The following COCH variants were observed in gnomAD, a reference collection of about 807,000 sequenced individuals.
COCH encodes coagulation factor C homolog, cochlin (Limulus polyphemus).
COCH carries 40 observed loss-of-function variants against 54.8 expected under a neutral mutation model. The observed-to-expected ratio is 0.73, with a 90% CI of 0.57 to 0.95. The LOEUF (loss-of-function observed/expected upper bound fraction) is 0.95. Ranked by LOEUF, COCH falls within the 40% of genes least tolerant of loss-of-function variation. The pLI is 0.00. For synonymous variants in COCH, 256 were observed against 237.9 expected, an observed-to-expected ratio of 1.08 and a Z score of -0.70; for missense variants, 605 against 675.0, an observed-to-expected ratio of 0.90 and a Z score of 1.15.
At chr14:30,889,103 T>C (rs1895892498) in intron 11 of COCH, 1 of 155,760 alleles carries the variant, frequency 6.4e-6, no homozygotes, top group African/African-American at 2.4e-5. Flanking sequence ...TAGTCACCAT[T>C]CCTCAAACAA....
chr14:30,886,360 A>G (rs765570410), intron 11 of COCH, 48 bp downstream of exon 11: 8 of 1,599,102 alleles, frequency 5.0e-6, no homozygotes, highest in Admixed American at 1.7e-5. Flanking sequence ...AAAACGGTTC[A>G]GTGAATTTAG....
intron 8 of COCH, 79 bp downstream of exon 8, chr14:30,880,813 G>A: frequency 1.9e-6 from 2 of 1,041,762 alleles, no homozygotes; most frequent in Non-Finnish European, 2.9e-6. Context: ...TATACTTATG[G>A]GGTACATAGT....
downstream of COCH, chr14:30,895,089 GA>G (rs1896104717): frequency 1.8e-4 from 21 of 118,172 alleles, no homozygotes; most frequent in African/African-American, 5.9e-4. Context: ...AGAAGAAGAA[GA>G]AGAGAAAAAA....
In COCH at chr14:30,886,240, T is replaced by A; in HGVS notation, c.1405T>A (p.Phe469Ile). 2 of 1,613,126 alleles carry A rather than the reference T, an allele frequency of 1.2e-6. No individual in the cohort carries two copies. Among genetic ancestry groups the A allele is most frequent in the Non-Finnish European group, 1.7e-6 (2 of 1,179,660 alleles). Residue 469 changes from phenylalanine to isoleucine, a missense_variant, in exon 11 of 12, where the codon TTC (phenylalanine) becomes ATC (isoleucine). Physicochemically the swap from Phe to Ile is conservative, Grantham distance 21 (BLOSUM62 0). Coordinates refer to ENST00000396618, the MANE Select transcript of COCH (RefSeq NM_004086.3). ...TATAAGGGAGAGCCCCAACAAGAACTTCCTAGTAATTGTCACAGATGGGCA... is the reference window on the plus strand; with the variant it reads ...TATAAGGGAGAGCCCCAACAAGAACATCCTAGTAATTGTCACAGATGGGCA... ...GPIRESPNKN[F>I]LVIVTDGQSY...
At position 30,878,902 on chromosome 14, in the gene COCH, T is replaced by C; in HGVS notation, c.331T>C (p.Ser111Pro). 1 of 1,614,148 alleles carries C rather than the reference T, an allele frequency of 6.2e-7. No individual in the cohort carries two copies. The highest frequency in any genetic ancestry group is 8.5e-7 in the Non-Finnish European group (1 of 1,180,022). ...CTCAGTAGATGCCAATGGCATCCAGTCTCAAATGCTTTCTAGATGGTCTGC... is the reference window on the plus strand; with the variant it reads ...CTCAGTAGATGCCAATGGCATCCAGCCTCAAATGCTTTCTAGATGGTCTGC... ...YSSVDANGIQSQMLSRWSASF... is the reference protein window; with the variant it reads ...YSSVDANGIQPQMLSRWSASF... The change falls in exon 5 of 12, where the codon TCT (serine) becomes CCT (proline). Residue 111 changes from serine (S) to proline (P), a missense_variant. Ser to Pro is a moderately conservative substitution (Grantham distance 74). Coordinates refer to ENST00000396618, the MANE Select transcript of COCH (RefSeq NM_004086.3).
At chr14:30,880,826 T>A in intron 8 of COCH, 92 bp downstream of exon 8, 1 of 923,964 alleles carries the variant, frequency 1.1e-6, no homozygotes, top group Non-Finnish European at 1.7e-6. Flanking sequence ...TACATAGTGA[T>A]GTTTTCATAC....
At chr14:30,886,662 G>A (rs565048141) in intron 11 of COCH, among the ~76,000 whole-genome samples, 2 of 152,246 alleles carry the variant, frequency 1.3e-5, no homozygotes, top group East Asian at 3.9e-4. Context: ...GCTCAAACTT[G>A]GACTATATCT....
rs1485893519 is a variant in COCH at position 30,877,561 on chromosome 14, T to A, written c.83-11T>A. 3 of 1,613,828 alleles carry A rather than the reference T, an allele frequency of 1.9e-6. No individual in the cohort carries two copies. The highest frequency in any genetic ancestry group is 2.5e-6 in the Non-Finnish European group (3 of 1,179,986). The stretch of plus-strand genomic sequence containing the variant: ...TAAGAATGCTTACAATATTATCTCC[T>A]TTTTCTTCAGCTCCCATTGCTATCA... On this transcript the variant is annotated splice_polypyrimidine_tract_variant and intron_variant, in intron 3 of 11. Transcript: ENST00000396618. The surrounding 1 kb of genome is among the most constrained non-coding windows in gnomAD (Gnocchi z 8.6).
rs1895471273 is a variant in COCH at position 30,878,904 on chromosome 14, T to C, written c.333T>C (p.Ser111=). ...CAGTAGATGCCAATGGCATCCAGTCTCAAATGCTTTCTAGATGGTCTGCTT... is the reference window on the plus strand; with the variant it reads ...CAGTAGATGCCAATGGCATCCAGTCCCAAATGCTTTCTAGATGGTCTGCTT... ...YSSVDANGIQ[S]QMLSRWSASF... The change falls in exon 5 of 12, where the codon TCT becomes TCC. Residue 111 remains serine (S), a synonymous_variant. Coordinates refer to ENST00000396618, the MANE Select transcript of COCH (RefSeq NM_004086.3). 2.5e-6 allele frequency: 4 copies of C among 1,614,166 alleles called. No individual in the cohort carries two copies. The highest frequency in any genetic ancestry group is 2.2e-5 in the East Asian group (1 of 44,878).
chr14:30,892,538 G>A (rs532286481), downstream of COCH, among the ~76,000 whole-genome samples: 4 of 152,162 alleles, frequency 2.6e-5, no homozygotes, highest in Non-Finnish European at 4.4e-5. Flanking sequence ...GGTGGCTCAC[G>A]CCTGTAATCC....
Position 30,880,486 on chromosome 14 carries a change from T to C in COCH, c.471T>C (p.Thr157=). 1 of 1,614,146 alleles carries C rather than the reference T, an allele frequency of 6.2e-7. No homozygotes were observed. Among genetic ancestry groups the C allele is most frequent in the Middle Eastern group, 1.6e-4 (1 of 6,062 alleles). The change falls in exon 7 of 12, where the codon ACT becomes ACC. Residue 157 remains threonine (T), a synonymous_variant. Transcript: ENST00000396618. ...TAAAGAAAACACCCGAGAAGAAAAC[T>C]GGCAATAAAGGTAAGAATCAAGATC... is the stretch of plus-strand genomic sequence containing the variant. ...KRLKKTPEKK[T]GNKDCKADIA... is the part of the protein sequence containing the mutation.
At chr14:30,878,752 T>C in intron 4 of COCH, 59 bp from the exon 5 acceptor site, 1 of 1,612,892 alleles carries the variant, frequency 6.2e-7, no homozygotes, top group Non-Finnish European at 8.5e-7. Context: ...GCACTATAAG[T>C]CAGTGGGATG....
At chr14:30,881,587 A>C (rs1049968064) in intron 8 of COCH, among the ~76,000 whole-genome samples, 15 of 152,168 alleles carry the variant, frequency 9.9e-5, no homozygotes, top group Non-Finnish European at 7.4e-5. Context: ...CTATTCTGTT[A>C]TTCTTTTTAG....
chr14:30,880,498 T>C lies in COCH; in HGVS notation c.481+2T>C. On this transcript the variant is annotated splice_donor_variant, in intron 7 of 11. Transcript: ENST00000396618. LOFTEE classifies it high-confidence loss of function. The stretch of plus-strand genomic sequence containing the variant: ...CCGAGAAGAAAACTGGCAATAAAGG[T>C]AAGAATCAAGATCTCCATTTGGGAA... 1 of 1,614,014 alleles carries C rather than the reference T, an allele frequency of 6.2e-7. No individual in the cohort carries two copies. The highest frequency in any genetic ancestry group is 8.5e-7 in the Non-Finnish European group (1 of 1,179,976).
intron 5 of COCH, 113 bp downstream of exon 5, chr14:30,879,057 A>C: frequency 1.4e-6 from 2 of 1,451,914 alleles, no homozygotes; most frequent in South Asian, 1.2e-5. Context: ...ATCAAGACTA[A>C]AGCTGACCTA....
intron 8 of COCH, among the ~76,000 whole-genome samples, chr14:30,884,016 G>A (rs1404387918): frequency 1.3e-5 from 2 of 152,150 alleles, no homozygotes; most frequent in African/African-American, 4.8e-5. Flanking sequence ...TAGAGCCTCT[G>A]GGGTCCCACA....
chr14:30,887,464 T>C (rs1895830082), intron 11 of COCH, among the ~76,000 whole-genome samples: 1 of 152,040 alleles, frequency 6.6e-6, no homozygotes, highest in Non-Finnish European at 1.5e-5. Context: ...ACTCTGGTGT[T>C]ATAAAAGGGT....
At chr14:30,876,503 T>C (rs1344004329) in intron 3 of COCH, 2 of 152,134 alleles carry the variant, frequency 1.3e-5, no homozygotes, top group Non-Finnish European at 2.9e-5. Flanking sequence ...CCTTCGGGAG[T>C]TGTAGAATGT....
At chr14:30,895,274 ACCAATTTGTGCCTGCCCCAGATAG>A (rs529265437), downstream of COCH, 19,174 of 878,586 alleles carry the variant, frequency 0.022, 190 homozygotes, top group Middle Eastern at 0.056. Flanking sequence ...TGTGATTTCC[ACCAATTTGTGCCTGCCCCAGATAG>A]CCTTCACCAG....
Sources: allele counts gnomAD v4.1 joint callset (sites outside exome capture counted in the v4.1 genomes callset), GRCh38; gene constraint gnomAD v4.1.1; non-coding constraint Gnocchi (gnomAD v3.1); transcripts MANE v1.5; gene names NCBI Gene and HGNC (gene_info 2026-07-23, HGNC 2026-07-21).